The following MAP3K20 variants were observed in gnomAD, a reference collection of about 807,000 sequenced individuals.
The protein encoded by MAP3K20 is mitogen-activated protein kinase kinase kinase 20, also known as HCCS-4.
A neutral mutation model predicts 85.7 loss-of-function variants in MAP3K20; 40 were observed. That is an observed-to-expected ratio of 0.47 (90% CI 0.36 to 0.61). MAP3K20 has a LOEUF of 0.61. Ranked by LOEUF, MAP3K20 falls within the 20% of genes least tolerant of loss-of-function variation. The pLI, the probability that MAP3K20 is intolerant of heterozygous loss-of-function variation, is 0.00. For synonymous variants in MAP3K20, 325 were observed against 327.7 expected (o/e 0.99, Z 0.09); for missense variants, 817 against 961.7 (o/e 0.85, Z 1.99).
At chr2:173,243,280 G>T (rs533308985) in intron 16 of MAP3K20, among the ~76,000 whole-genome samples, 1 of 152,326 alleles carries the variant, frequency 6.6e-6, no homozygotes, top group South Asian at 2.1e-4. Context: ...GAGGGTCCTT[G>T]AAGTCTTCTT....
At chr2:173,081,717 C>T (rs1573995419) in intron 1 of MAP3K20, among the ~76,000 whole-genome samples, 1 of 152,248 alleles carries the variant, frequency 6.6e-6, no homozygotes, top group Middle Eastern at 3.4e-3. Flanking sequence ...ATGGCCAAAT[C>T]GTTTCCTTTA....
chr2:173,139,014 T>C (rs986534367), intron 2 of MAP3K20, among the ~76,000 whole-genome samples: 6 of 152,248 alleles, frequency 3.9e-5, no homozygotes, highest in African/African-American at 1.4e-4. Context: ...TTCTGCTTAA[T>C]GGCTGGCTTA....
At chr2:173,116,167 A>G (rs1688117723) in intron 2 of MAP3K20, among the ~76,000 whole-genome samples, 1 of 152,132 alleles carries the variant, frequency 6.6e-6, no homozygotes, top group Admixed American at 6.5e-5. Context: ...TATATTTTGA[A>G]TTGACAAGTA....
At chr2:173,230,223 T>C (rs948931463) in intron 12 of MAP3K20, among the ~76,000 whole-genome samples, 3 of 152,156 alleles carry the variant, frequency 2.0e-5, no homozygotes, top group African/African-American at 7.2e-5. Context: ...GGTTCTACCT[T>C]CCTAAATTAC....
intron 8 of MAP3K20, among the ~76,000 whole-genome samples, chr2:173,201,371 CA>C (rs1691055104): frequency 6.6e-6 from 1 of 152,158 alleles, no homozygotes; most frequent in Non-Finnish European, 1.5e-5. Flanking sequence ...CCATGGTACT[CA>C]ATCAGTGATC....
chr2:173,081,839 C>A (rs1262875444), intron 1 of MAP3K20, among the ~76,000 whole-genome samples: 2 of 152,134 alleles, frequency 1.3e-5, no homozygotes, highest in African/African-American at 4.8e-5. Context: ...GTAGATTAGT[C>A]ATCAACTCAA....
intron 1 of MAP3K20, among the ~76,000 whole-genome samples, chr2:173,086,317 A>G (rs932770559): frequency 8.5e-5 from 13 of 152,312 alleles, no homozygotes; most frequent in African/African-American, 2.6e-4. Context: ...CTCGTCATAA[A>G]TTGATCCCCT....
intron 2 of MAP3K20, chr2:173,166,358 A>T (rs1202914420): frequency 6.6e-6 from 1 of 152,096 alleles, no homozygotes; most frequent in African/African-American, 2.4e-5. Flanking sequence ...GGTTGTTTTT[A>T]CCTTTTGTTT....
At chr2:173,094,959 G>C (rs898101231) in intron 2 of MAP3K20, among the ~76,000 whole-genome samples, 10 of 152,188 alleles carry the variant, frequency 6.6e-5, no homozygotes, top group African/African-American at 2.4e-4. Context: ...AGCATCTATT[G>C]ATGATTCTTG....
At chr2:173,240,334 T>G (rs892868660) in intron 16 of MAP3K20, among the ~76,000 whole-genome samples, 1 of 152,180 alleles carries the variant, frequency 6.6e-6, no homozygotes, top group Non-Finnish European at 1.5e-5. Context: ...TTACAAGCTG[T>G]GTAAGCCTAC....
At chr2:173,083,521 C>T (rs1687066173) in intron 1 of MAP3K20, among the ~76,000 whole-genome samples, 1 of 151,616 alleles carries the variant, frequency 6.6e-6, no homozygotes. Context: ...ACCCAGCCAG[C>T]TTTTATCTTT....
At chr2:173,176,449 ATCT>A (rs1574080452) in intron 3 of MAP3K20, among the ~76,000 whole-genome samples, 2 of 152,124 alleles carry the variant, frequency 1.3e-5, no homozygotes, top group East Asian at 1.9e-4. Context: ...ATTGGAGAAA[ATCT>A]TCTATATTTT....
Position 173,090,992 on chromosome 2 carries a change from C to T in MAP3K20, c.-34-6C>T. On this transcript the variant is annotated splice_region_variant and splice_polypyrimidine_tract_variant and intron_variant, in intron 1 of 19. Transcript: ENST00000375213. ...ATTCAGCTTTTCTTTTTCTTTCTTT[C>T]TGCAGATTTTGTGGAAGTATAATAC... The T allele has an allele frequency of 6.4e-7, 1 of 1,564,284 alleles. No individual in the cohort carries two copies. Among genetic ancestry groups the T allele is most frequent in the South Asian group, 1.2e-5 (1 of 84,256 alleles).
chr2:173,262,779 A>G (rs1225636915), intron 18 of MAP3K20, among the ~76,000 whole-genome samples: 2 of 152,194 alleles, frequency 1.3e-5, no homozygotes, highest in African/African-American at 4.8e-5. Flanking sequence ...TGCAAGGTGC[A>G]AAACCCAAAC....
chr2:173,227,756 A>T (rs1684426674), intron 11 of MAP3K20, among the ~76,000 whole-genome samples: 1 of 152,250 alleles, frequency 6.6e-6, no homozygotes, highest in Non-Finnish European at 1.5e-5. Flanking sequence ...TTATAAAAAT[A>T]ACACTACACA....
At chr2:173,223,877 G>A in intron 11 of MAP3K20, 14 of 985,462 alleles carry the variant, frequency 1.4e-5, no homozygotes, top group Non-Finnish European at 1.7e-5. Flanking sequence ...GGGAGGGCTT[G>A]GGACTCCTGT....
At chr2:173,151,202 T>A (rs568241103) in intron 2 of MAP3K20, among the ~76,000 whole-genome samples, 1 of 152,206 alleles carries the variant, frequency 6.6e-6, no homozygotes, top group African/African-American at 2.4e-5. Context: ...CTGAGGGGAA[T>A]GTAAAATGAA....
chr2:173,182,587 A>C (rs140371065), intron 3 of MAP3K20, among the ~76,000 whole-genome samples: 243 of 152,318 alleles, frequency 1.6e-3, no homozygotes, highest in African/African-American at 5.4e-3. Flanking sequence ...TATTCTTCCA[A>C]CACCTCTTTG....
In MAP3K20 at chr2:173,173,186, GTGTGTGTGTGTC is replaced by G. The variant is rs1239950603; in HGVS notation, c.247+3300_247+3311del. Among the ~76,000 whole-genome samples, 77 of 139,846 alleles carry G rather than the reference GTGTGTGTGTGTC, an allele frequency of 5.5e-4. No homozygotes were observed. The Middle Eastern group carries it at 0.012, about 21-fold the overall frequency. 91.7% of individuals were successfully genotyped at this position (139,846 alleles called of 152,430 possible). ...TGTGTGTGTGTGTGTGTGTGTGTGT[GTGTGTGTGTGTC>G]TGTGTAAAACATAAATATGTGAGGG... On this transcript the variant is annotated intron_variant, in intron 3 of 19. Coordinates refer to ENST00000375213, the MANE Select transcript of MAP3K20 (RefSeq NM_016653.3).
Sources: allele counts gnomAD v4.1 joint callset (sites outside exome capture counted in the v4.1 genomes callset), GRCh38; gene constraint gnomAD v4.1.1; transcripts MANE v1.5; gene names NCBI Gene and HGNC (gene_info 2026-07-23, HGNC 2026-07-21).